ARPP21: variants seen among roughly 807,000 people sequenced by gnomAD.
ARPP21 encodes cAMP-regulated phosphoprotein 21.
Under a neutral mutation model 113.2 loss-of-function variants are expected in ARPP21, and 69 were observed. The observed-to-expected ratio is 0.61, with a 90% CI of 0.50 to 0.74. The LOEUF (loss-of-function observed/expected upper bound fraction) is 0.74, where lower values mean the gene tolerates loss of function less well. Ranked by LOEUF, ARPP21 falls within the 30% of genes least tolerant of loss-of-function variation. The pLI is 0.00. For synonymous variants in ARPP21, 368 were observed against 375.5 expected, an observed-to-expected ratio of 0.98 and a Z score of 0.23; for missense variants, 1,070 against 1,037.4, an observed-to-expected ratio of 1.03 and a Z score of -0.43.
intron 12 of ARPP21, among the ~76,000 whole-genome samples, chr3:35,716,558 T>G (rs911871657): frequency 6.6e-6 from 1 of 152,038 alleles, no homozygotes; most frequent in Admixed American, 6.6e-5. Flanking sequence ...TCCATATATA[T>G]TTAGACAAAT....
chr3:35,647,868 G>A (rs1339576851), intron 1 of ARPP21, among the ~76,000 whole-genome samples: 1 of 152,100 alleles, frequency 6.6e-6, no homozygotes, highest in Non-Finnish European at 1.5e-5. Context: ...TCATTTATGA[G>A]GTGGGAATAA....
chr3:35,707,147 T>C, intron 10 of ARPP21, 65 bp downstream of exon 10: 1 of 1,253,648 alleles, frequency 8.0e-7, no homozygotes, highest in Non-Finnish European at 1.2e-6. Context: ...CTGATGTTCA[T>C]GTCGTCCCTC....
intron 19 of ARPP21, among the ~76,000 whole-genome samples, chr3:35,756,431 G>T (rs535375552): frequency 9.9e-5 from 15 of 152,160 alleles, no homozygotes; most frequent in Admixed American, 5.9e-4. Context: ...CCAACGTGCA[G>T]TAGCCTTCAC....
In ARPP21 at chr3:35,753,041, A is replaced by AGTGTGTGT. The variant is rs3086930; in HGVS notation, c.2137+9103_2137+9110dup. Among the ~76,000 whole-genome samples, 658 of 144,060 alleles carry AGTGTGTGT rather than the reference A, an allele frequency of 4.6e-3. 6 individuals are homozygous for AGTGTGTGT. Among genetic ancestry groups the AGTGTGTGT allele is most frequent in the African/African-American group, 7.6e-3 (300 of 39,432 alleles). The allele number at this position is 144,060 out of a possible 152,430, so 94.5% of individuals were successfully genotyped here. ...CTATTTTCACTTTGGTATGGCAGGA[A>AGTGTGTGT]GTGTGTGTGTGTGTGTGTGTGTGTG... On this transcript the variant is annotated intron_variant, in intron 19 of 20. Transcript: ENST00000684406.
At chr3:35,687,687 A>G in intron 5 of ARPP21, 52 bp from the exon 6 acceptor site, 4 of 1,533,348 alleles carry the variant, frequency 2.6e-6, no homozygotes, top group Middle Eastern at 1.7e-4. Flanking sequence ...AATGGGAGCC[A>G]GACAGAGATG....
chr3:35,783,665 T>C (rs554317650), intron 19 of ARPP21, among the ~76,000 whole-genome samples: 23 of 152,286 alleles, frequency 1.5e-4, no homozygotes, highest in African/African-American at 5.3e-4. Context: ...TGGCTGTTGA[T>C]CATTTCATTG....
chr3:35,720,530 C>T (rs184976606), intron 13 of ARPP21, among the ~76,000 whole-genome samples: 2 of 152,202 alleles, frequency 1.3e-5, no homozygotes, highest in East Asian at 3.9e-4. Context: ...TTAAATATGT[C>T]TCATTGTTAA....
chr3:35,683,933 T>A, intron 5 of ARPP21, 118 bp downstream of exon 5: 1 of 1,049,524 alleles, frequency 9.5e-7, no homozygotes. Flanking sequence ...AAGAAAATAA[T>A]TCATTTTTTG....
chr3:35,684,406 T>C, intron 5 of ARPP21: 1 of 977,220 alleles, frequency 1.0e-6, no homozygotes, highest in African/African-American at 1.7e-5. Context: ...TTTTTACCCT[T>C]ATTTTTGCTC....
chr3:35,691,463 A>G (rs1356910480), intron 9 of ARPP21, among the ~76,000 whole-genome samples: 1 of 151,666 alleles, frequency 6.6e-6, no homozygotes, highest in African/African-American at 2.4e-5. Context: ...TAGAGGCAGA[A>G]ATCCTGCCTC....
Position 35,648,229 on chromosome 3 carries a change from G to A in ARPP21, c.-213+7831G>A, listed in dbSNP as rs533601966. Among the ~76,000 whole-genome samples, 3 of 152,238 alleles carry A rather than the reference G, an allele frequency of 2.0e-5. No homozygotes were observed. The South Asian group carries it at 6.2e-4, about 32-fold the overall frequency. ...CCATAATCTTCTGCCAGTTTGTAAGGGAAGAAATGGTCTAATTCAGTTGTC... is the reference window on the plus strand; with the variant it reads ...CCATAATCTTCTGCCAGTTTGTAAGAGAAGAAATGGTCTAATTCAGTTGTC... On this transcript the variant is annotated intron_variant, in intron 1 of 20. Coordinates refer to ENST00000684406, the MANE Select transcript of ARPP21 (RefSeq NM_001385562.1).
chr3:35,737,622 A>G (rs187188400), intron 16 of ARPP21, among the ~76,000 whole-genome samples: 3 of 152,236 alleles, frequency 2.0e-5, no homozygotes, highest in Non-Finnish European at 4.4e-5. Flanking sequence ...TCTTAGGTCT[A>G]AATGCCCTTT....
chr3:35,675,360 TTC>T (rs1559570582), intron 1 of ARPP21, among the ~76,000 whole-genome samples: 1 of 151,812 alleles, frequency 6.6e-6, no homozygotes, highest in Non-Finnish European at 1.5e-5. Flanking sequence ...TGCTGTCGGA[TTC>T]TTGGCTTATT....
chr3:35,676,725 G>T (rs1186009080), intron 1 of ARPP21, among the ~76,000 whole-genome samples: 2 of 151,888 alleles, frequency 1.3e-5, no homozygotes, highest in African/African-American at 4.8e-5. Flanking sequence ...AAAGATATTA[G>T]TATGTGCATT....
At chr3:35,661,208 A>C (rs1313627144) in intron 1 of ARPP21, among the ~76,000 whole-genome samples, 2 of 152,330 alleles carry the variant, frequency 1.3e-5, no homozygotes, top group East Asian at 3.9e-4. Flanking sequence ...ATTTAAATAC[A>C]AATCTCAGCC....
intron 1 of ARPP21, among the ~76,000 whole-genome samples, chr3:35,649,593 C>A (rs1257945861): frequency 6.6e-6 from 1 of 152,020 alleles, no homozygotes; most frequent in Non-Finnish European, 1.5e-5. Context: ...TGAAGGACAC[C>A]CAGCATGTGC....
intron 18 of ARPP21, among the ~76,000 whole-genome samples, chr3:35,743,368 T>A (rs1042661866): frequency 2.0e-5 from 3 of 152,230 alleles, no homozygotes; most frequent in African/African-American, 7.2e-5. Context: ...GAGCAGGATT[T>A]ATCACAGATG....
chr3:35,702,019 G>A (rs2086606272), intron 9 of ARPP21, among the ~76,000 whole-genome samples: 1 of 151,402 alleles, frequency 6.6e-6, no homozygotes, highest in Admixed American at 6.6e-5. Context: ...TGTTGAATTG[G>A]TTTTCTATCT....
chr3:35,713,399 A>G, intron 11 of ARPP21, among the ~76,000 whole-genome samples: 1 of 148,096 alleles, frequency 6.8e-6, no homozygotes, highest in East Asian at 2.0e-4. Context: ...TGGGTAAGGT[A>G]TTTTTTTTTT....
Sources: gnomAD v4.1 joint callset for allele counts (sites outside exome capture counted in the v4.1 genomes callset) on GRCh38, gnomAD v4.1.1 for gene constraint, MANE v1.5 for transcripts, NCBI Gene and HGNC (gene_info 2026-07-23, HGNC 2026-07-21) for gene names.